The following TMEM135 variants were observed in gnomAD, a reference collection of about 807,000 sequenced individuals.
The protein encoded by TMEM135 is peroxisomal membrane protein 52.
A neutral mutation model predicts 60.3 loss-of-function variants in TMEM135; 30 were observed. That is an observed-to-expected ratio of 0.50 (90% CI 0.37 to 0.68). The LOEUF (loss-of-function observed/expected upper bound fraction) is 0.68, where lower values mean the gene tolerates loss of function less well. TMEM135 is among the 30% of genes least tolerant of loss of function. The pLI is 0.00. For missense variants in TMEM135, 468 were observed against 548.8 expected (o/e 0.85, Z 1.47); for synonymous variants, 190 against 186.7 (o/e 1.02, Z -0.14).
At chr11:87,075,809 T>C (rs1181184017) in intron 3 of TMEM135, among the ~76,000 whole-genome samples, 1 of 152,216 alleles carries the variant, frequency 6.6e-6, no homozygotes, top group African/African-American at 2.4e-5. Flanking sequence ...TTGGTGGTCT[T>C]GTATAAGATC....
intron 5 of TMEM135, among the ~76,000 whole-genome samples, chr11:87,210,112 A>C (rs868834907): frequency 6.6e-5 from 10 of 152,302 alleles, no homozygotes; most frequent in Non-Finnish European, 1.5e-4. Flanking sequence ...TAGAGGAACT[A>C]GGAAAACAAG....
chr11:87,060,161 G>A (rs1429403450), intron 1 of TMEM135, among the ~76,000 whole-genome samples: 1 of 152,224 alleles, frequency 6.6e-6, no homozygotes, highest in Non-Finnish European at 1.5e-5. Context: ...GGACAAGGAA[G>A]AGGGTAAAGT....
intron 4 of TMEM135, among the ~76,000 whole-genome samples, chr11:87,125,958 G>A (rs1040406450): frequency 1.3e-5 from 2 of 152,010 alleles, no homozygotes; most frequent in African/African-American, 2.4e-5. Flanking sequence ...AGCAAATTTC[G>A]TACTCATTAC....
intron 4 of TMEM135, among the ~76,000 whole-genome samples, chr11:87,156,933 A>C (rs1938709764): frequency 6.6e-6 from 1 of 152,220 alleles, no homozygotes; most frequent in African/African-American, 2.4e-5. Flanking sequence ...CAAAATAACC[A>C]TTTGAAACAA....
chr11:87,213,281 G>A (rs933702212), intron 5 of TMEM135, among the ~76,000 whole-genome samples: 2 of 152,118 alleles, frequency 1.3e-5, no homozygotes, highest in Admixed American at 6.5e-5. Context: ...CTCTACCAGT[G>A]TCCTGTGGAA....
chr11:87,082,361 T>C (rs1857009614), intron 3 of TMEM135, among the ~76,000 whole-genome samples: 1 of 152,202 alleles, frequency 6.6e-6, no homozygotes, highest in Non-Finnish European at 1.5e-5. Context: ...TCAAGATCCA[T>C]TAAAAGCTTA....
At chr11:87,084,406 C>A (rs1397901166) in intron 3 of TMEM135, among the ~76,000 whole-genome samples, 2 of 151,938 alleles carry the variant, frequency 1.3e-5, no homozygotes, top group Non-Finnish European at 2.9e-5. Context: ...CTCTTGGGCA[C>A]AGGTGATCCT....
rs977896560 is a variant in TMEM135 at position 87,178,941 on chromosome 11, A to G, written c.462+21535A>G. On this transcript the variant is annotated intron_variant, in intron 5 of 14. Transcript: ENST00000305494. ...CTTGATACCTAAATGTAGAATTGTT[A>G]GGTCATAAGAATAATGCTTAAAAAA... Among the ~76,000 whole-genome samples, 18 of 151,256 alleles carry G rather than the reference A, an allele frequency of 1.2e-4. 1 individual carries two copies. The highest frequency in any genetic ancestry group is 2.4e-4 in the Non-Finnish European group (16 of 67,956).
At chr11:87,124,216 C>T (rs1428824074) in intron 4 of TMEM135, among the ~76,000 whole-genome samples, 1 of 152,102 alleles carries the variant, frequency 6.6e-6, no homozygotes, top group East Asian at 1.9e-4. Flanking sequence ...AGGGGAAGGA[C>T]AGTTTGATGG....
At chr11:87,110,895 G>A (rs1428752086) in intron 4 of TMEM135, among the ~76,000 whole-genome samples, 1 of 152,130 alleles carries the variant, frequency 6.6e-6, no homozygotes, top group Non-Finnish European at 1.5e-5. Flanking sequence ...GCATTGCGCA[G>A]TCATATTCAT....
At chr11:87,257,141 A>T (rs1273973394) in intron 6 of TMEM135, among the ~76,000 whole-genome samples, 1 of 152,138 alleles carries the variant, frequency 6.6e-6, no homozygotes, top group Admixed American at 6.5e-5. Context: ...CGAGTTCTGG[A>T]ATCCTCTTTT....
intron 5 of TMEM135, among the ~76,000 whole-genome samples, chr11:87,169,454 G>A (rs989391991): frequency 7.3e-5 from 11 of 151,264 alleles, no homozygotes; most frequent in African/African-American, 2.4e-4. Flanking sequence ...TTTTCCTTTC[G>A]ATATTTAGTG....
intron 5 of TMEM135, among the ~76,000 whole-genome samples, chr11:87,179,615 AT>A (rs1432750578): frequency 6.6e-6 from 1 of 150,884 alleles, no homozygotes. Flanking sequence ...ATCCAAGTTC[AT>A]TTTTTTTTAA....
At chr11:87,178,905 A>G (rs973266373) in intron 5 of TMEM135, among the ~76,000 whole-genome samples, 1 of 151,926 alleles carries the variant, frequency 6.6e-6, no homozygotes, top group African/African-American at 2.4e-5. Context: ...ATATGTTTTA[A>G]TTTCTCTTGG....
intron 6 of TMEM135, among the ~76,000 whole-genome samples, chr11:87,287,455 G>T (rs1942187173): frequency 6.6e-6 from 1 of 152,170 alleles, no homozygotes; most frequent in Admixed American, 6.6e-5. Flanking sequence ...GAGGCGGGCA[G>T]ATCATGAGGT....
chr11:87,078,801 T>TC (rs1321939548), intron 3 of TMEM135, among the ~76,000 whole-genome samples: 1 of 150,776 alleles, frequency 6.6e-6, no homozygotes, highest in Non-Finnish European at 1.5e-5. Context: ...TCTTTTTTTT[T>TC]AGTAGAGATA....
chr11:87,130,368 T>G (rs1937889428), intron 4 of TMEM135, among the ~76,000 whole-genome samples: 1 of 152,138 alleles, frequency 6.6e-6, no homozygotes, highest in African/African-American at 2.4e-5. Flanking sequence ...CTTTCTACTG[T>G]TTTCCTAAGA....
intron 3 of TMEM135, among the ~76,000 whole-genome samples, chr11:87,085,241 G>T (rs1038967392): frequency 3.9e-5 from 6 of 152,108 alleles, no homozygotes; most frequent in African/African-American, 1.4e-4. Flanking sequence ...ATACCCTTCA[G>T]AGATAATATT....
chr11:87,061,847 G>A (rs1013295657), intron 1 of TMEM135, among the ~76,000 whole-genome samples: 1 of 152,128 alleles, frequency 6.6e-6, no homozygotes, highest in Admixed American at 6.5e-5. Flanking sequence ...TTCTAAATTG[G>A]GGGCCTGACC....
Sources: gnomAD v4.1 joint callset for allele counts (sites outside exome capture counted in the v4.1 genomes callset) on GRCh38, gnomAD v4.1.1 for gene constraint, MANE v1.5 for transcripts, NCBI Gene and HGNC (gene_info 2026-07-23, HGNC 2026-07-21) for gene names.